Variants in DACH2 observed in about 807,000 individuals in gnomAD.
The protein encoded by DACH2 is dachshund family transcription factor 2.
In DACH2, 17 loss-of-function variants were observed where a neutral mutation model predicts 35.8. The ratio of observed to expected loss-of-function variants is 0.48; its 90% confidence interval spans 0.33 to 0.71. The LOEUF (loss-of-function observed/expected upper bound fraction) is 0.71, where lower values mean the gene tolerates loss of function less well. DACH2 is among the 30% of genes least tolerant of loss of function. The pLI, the probability that DACH2 is intolerant of heterozygous loss-of-function variation, is 0.02. For synonymous variants in DACH2, 195 were observed against 177.3 expected (o/e 1.10, Z -0.79); for missense variants, 469 against 472.7 (o/e 0.99, Z 0.07).
At chrX:86,742,453 G>A (rs1363973052) in intron 7 of DACH2, among the ~76,000 whole-genome samples, 1 of 110,857 alleles carries the variant, frequency 9.0e-6, no homozygotes, top group Non-Finnish European at 1.9e-5. Flanking sequence ...ACACGATCAA[G>A]CAGCTTACTG....
chrX:86,451,103 G>A (rs756031462), intron 2 of DACH2, among the ~76,000 whole-genome samples: 1 of 111,310 alleles, frequency 9.0e-6, no homozygotes, highest in Non-Finnish European at 1.9e-5. Flanking sequence ...TCCTTTCATT[G>A]CAATTGCTTT....
intron 7 of DACH2, among the ~76,000 whole-genome samples, chrX:86,809,116 A>G (rs2042372022): frequency 8.9e-6 from 1 of 111,893 alleles, no homozygotes; most frequent in African/African-American, 3.3e-5. Flanking sequence ...CTTTGCTTTA[A>G]TAAGTGAAGA....
At chrX:86,813,654 T>A (rs1479078607) in intron 9 of DACH2, among the ~76,000 whole-genome samples, 1 of 106,943 alleles carries the variant, frequency 9.4e-6, no homozygotes, top group Non-Finnish European at 1.9e-5. Flanking sequence ...ATAGTAATAA[T>A]AATAATAATA....
At chrX:86,609,014 T>C (rs6623736) in intron 3 of DACH2, among the ~76,000 whole-genome samples, 26,358 of 110,515 alleles carry the variant, frequency 0.24, 2,722 homozygotes, top group African/African-American at 0.39. Context: ...ATAACTTTCT[T>C]TTGGTTTGGG....
chrX:86,708,207 G>T (rs900216273), intron 5 of DACH2, among the ~76,000 whole-genome samples: 1 of 110,279 alleles, frequency 9.1e-6, no homozygotes, highest in African/African-American at 3.3e-5. Context: ...AAAACTAGAT[G>T]CTTTTCCCCT....
chrX:86,698,790 C>A (rs1422638745), intron 5 of DACH2, among the ~76,000 whole-genome samples: 1 of 109,227 alleles, frequency 9.2e-6, no homozygotes, highest in Non-Finnish European at 1.9e-5. Flanking sequence ...CCTGTCTTGG[C>A]CTCCCAGAGT....
intron 1 of DACH2, among the ~76,000 whole-genome samples, chrX:86,232,749 T>C (rs949037038): frequency 8.9e-6 from 1 of 112,307 alleles, no homozygotes; most frequent in Non-Finnish European, 1.9e-5. Context: ...GGTGGGAATC[T>C]AAATGAGTTC....
At chrX:86,403,696 A>T (rs781428539) in intron 2 of DACH2, among the ~76,000 whole-genome samples, 97 of 111,802 alleles carry the variant, frequency 8.7e-4, no homozygotes, top group African/African-American at 3.0e-3. Context: ...CTGTGTATAT[A>T]CTCAAAAGAA....
At chrX:86,749,458 T>C (rs2041749057) in intron 7 of DACH2, among the ~76,000 whole-genome samples, 1 of 111,386 alleles carries the variant, frequency 9.0e-6, no homozygotes, top group South Asian at 3.8e-4. Flanking sequence ...TCTCAGGGAA[T>C]AGAAGACCTG....
chrX:86,318,022 G>T (rs1009044482), intron 1 of DACH2, among the ~76,000 whole-genome samples: 2 of 111,859 alleles, frequency 1.8e-5, no homozygotes, highest in African/African-American at 6.5e-5. Flanking sequence ...TTTTCCAATT[G>T]TGTCCTGTTG....
chrX:86,738,760 T>A (rs1424328553), intron 6 of DACH2, among the ~76,000 whole-genome samples: 1 of 112,001 alleles, frequency 8.9e-6, no homozygotes, highest in Non-Finnish European at 1.9e-5. Flanking sequence ...AATATTTTAT[T>A]AAAATACATT....
chrX:86,150,788 A>T (rs2030338340), intron 1 of DACH2, among the ~76,000 whole-genome samples: 1 of 111,944 alleles, frequency 8.9e-6, no homozygotes, highest in Non-Finnish European at 1.9e-5. Flanking sequence ...GTTACAAGGG[A>T]CTTCAGATAG....
At chrX:86,547,114 A>G (rs941339976) in intron 3 of DACH2, among the ~76,000 whole-genome samples, 16 of 110,989 alleles carry the variant, frequency 1.4e-4, no homozygotes, top group African/African-American at 5.3e-4. Flanking sequence ...TGAGAACAAC[A>G]TGAAACCCTC....
intron 1 of DACH2, among the ~76,000 whole-genome samples, chrX:86,262,641 C>CAAA (rs34823649): frequency 0.28 from 28,268 of 102,233 alleles, 3,407 homozygotes; most frequent in African/African-American, 0.42. Context: ...TAATCTGCTC[C>CAAA]AAAAAAAAAA....
intron 2 of DACH2, among the ~76,000 whole-genome samples, chrX:86,401,361 T>G (rs1164473282): frequency 1.8e-5 from 2 of 112,069 alleles, no homozygotes; most frequent in African/African-American, 3.2e-5. Flanking sequence ...CTTCGGCTTA[T>G]GCACGGTGCA....
chrX:86,243,747 G>A (rs1281783752), intron 1 of DACH2, among the ~76,000 whole-genome samples: 3 of 111,988 alleles, frequency 2.7e-5, no homozygotes, highest in African/African-American at 9.7e-5. Flanking sequence ...AGAACATACT[G>A]TCAGTAAAGC....
At chrX:86,297,817 C>T (rs1438779792) in intron 1 of DACH2, among the ~76,000 whole-genome samples, 1 of 111,954 alleles carries the variant, frequency 8.9e-6, no homozygotes, top group African/African-American at 3.2e-5. Flanking sequence ...ATAGGGAAAT[C>T]GTGTACTTTA....
In DACH2 at chrX:86,766,833, T is replaced by G. The variant is rs1406900512; in HGVS notation, c.1240+26951T>G. Among the ~76,000 whole-genome samples, 31 of 111,492 alleles carry G rather than the reference T, an allele frequency of 2.8e-4. No individual in the cohort carries two copies. The Admixed American group carries it at 3.0e-3, about 11-fold the overall frequency. ...CCCGCCAACAAGATTCTAAACATCTTGAGTCCAGGATTTTTTTTTCTTTTT... is the reference window on the plus strand; with the variant it reads ...CCCGCCAACAAGATTCTAAACATCTGGAGTCCAGGATTTTTTTTTCTTTTT... On this transcript the variant is annotated intron_variant, in intron 7 of 11. Coordinates refer to ENST00000373125, the MANE Select transcript of DACH2 (RefSeq NM_053281.3).
chrX:86,595,489 G>A (rs1228531900), intron 3 of DACH2, among the ~76,000 whole-genome samples: 1 of 110,778 alleles, frequency 9.0e-6, no homozygotes, highest in African/African-American at 3.3e-5. Flanking sequence ...ATCTATTTCT[G>A]TCTTTAAGTT....
Sources: allele counts gnomAD v4.1 joint callset (sites outside exome capture counted in the v4.1 genomes callset), GRCh38; gene constraint gnomAD v4.1.1; transcripts MANE v1.5; gene names NCBI Gene and HGNC (gene_info 2026-07-23, HGNC 2026-07-21).